CD99: variants seen among roughly 807,000 people sequenced by gnomAD.
The protein encoded by CD99 is CD99 molecule (Xg blood group).
A neutral mutation model predicts 28.4 loss-of-function variants in CD99; 19 were observed. That is an observed-to-expected ratio of 0.67 (90% CI 0.47 to 0.98). The LOEUF (loss-of-function observed/expected upper bound fraction) is 0.98, where lower values mean the gene tolerates loss of function less well. Ranked by LOEUF, CD99 falls within the 50% of genes least tolerant of loss-of-function variation. The pLI is 0.00. For synonymous variants in CD99, 103 were observed against 92.1 expected, an observed-to-expected ratio of 1.12 and a Z score of -0.67; for missense variants, 283 against 248.8, an observed-to-expected ratio of 1.14 and a Z score of -0.92.
At chrX:2,709,697 A>AACATAGACACACACATGCATGT (rs1360542078) in intron 1 of CD99, among the ~76,000 whole-genome samples, 31,413 of 151,802 alleles carry the variant, frequency 0.21, 3,422 homozygotes, top group Middle Eastern at 0.27. Flanking sequence ...CACATGCATG[A>AACATAGACACACACATGCATGT]ACATAGACAC....
At chrX:2,700,779 C>G (rs1202136495) in intron 1 of CD99, among the ~76,000 whole-genome samples, 1 of 151,718 alleles carries the variant, frequency 6.6e-6, no homozygotes, top group African/African-American at 2.4e-5. Context: ...TCAATTTACC[C>G]ATCTACCATC....
At chrX:2,704,065 C>A (rs1443503883) in intron 1 of CD99, among the ~76,000 whole-genome samples, 1 of 152,134 alleles carries the variant, frequency 6.6e-6, no homozygotes, top group Non-Finnish European at 1.5e-5. Context: ...GACCACAGAA[C>A]GAAAATGTCT....
At position 2,703,444 on chromosome X, in the gene CD99, A is replaced by G. The variant is rs138008773; in HGVS notation, c.68-10978A>G. On this transcript the variant is annotated intron_variant, in intron 1 of 9. Transcript: ENST00000381192. The stretch of plus-strand genomic sequence containing the variant: ...GGTGTCTTTAAACAGAAACCCACAT[A>G]AAACGCGCTTAGGTAGTGATTGGTT... Among the ~76,000 whole-genome samples, 784 of 152,250 alleles carry G rather than the reference A, an allele frequency of 5.1e-3. 8 individuals are homozygous for G. The highest frequency in any genetic ancestry group is 0.018 in the African/African-American group (756 of 41,530).
intron 9 of CD99, among the ~76,000 whole-genome samples, chrX:2,739,950 G>T (rs1488718309): frequency 6.7e-6 from 1 of 148,914 alleles, no homozygotes; most frequent in Non-Finnish European, 1.5e-5. Flanking sequence ...AAATTAGCCA[G>T]GCATCGTGGC....
intron 1 of CD99, among the ~76,000 whole-genome samples, chrX:2,708,238 G>A (rs1457281852): frequency 6.6e-6 from 1 of 152,172 alleles, no homozygotes; most frequent in African/African-American, 2.4e-5. Context: ...AGAGGTGTCT[G>A]CAGTACCAGA....
At chrX:2,702,866 C>T (rs1488957649) in intron 1 of CD99, among the ~76,000 whole-genome samples, 3 of 152,072 alleles carry the variant, frequency 2.0e-5, no homozygotes, top group African/African-American at 4.8e-5. Context: ...ACTGTAACCT[C>T]CGCCTCCTGT....
chrX:2,691,783 C>G, intron 1 of CD99: 1 of 770,612 alleles, frequency 1.3e-6, no homozygotes, highest in Non-Finnish European at 2.4e-6. Flanking sequence ...GTTATCTACC[C>G]CCAGGGTTTG....
chrX:2,706,841 G>A (rs2048141494), intron 1 of CD99, among the ~76,000 whole-genome samples: 1 of 151,700 alleles, frequency 6.6e-6, no homozygotes, highest in African/African-American at 2.4e-5. Flanking sequence ...TTTATTTCGA[G>A]ACAGAGTCTC....
chrX:2,733,700 T>G, intron 8 of CD99: 2 of 434,202 alleles, frequency 4.6e-6, no homozygotes. Flanking sequence ...TAATGAGTTT[T>G]GTCCCTAAGT....
chrX:2,700,785 C>G (rs752181387), intron 1 of CD99, among the ~76,000 whole-genome samples: 17 of 152,070 alleles, frequency 1.1e-4, no homozygotes, highest in African/African-American at 3.9e-4. Context: ...TACCCATCTA[C>G]CATCCATCCA....
intron 1 of CD99, among the ~76,000 whole-genome samples, chrX:2,703,165 G>A (rs901943432): frequency 6.6e-6 from 1 of 152,150 alleles, no homozygotes; most frequent in Non-Finnish European, 1.5e-5. Flanking sequence ...GGGCCAGCGC[G>A]TACTGTCAAC....
Position 2,720,386 on chromosome X carries a change from C to T in CD99, c.224C>T (p.Pro75Leu), listed in dbSNP as rs766761184. ...DDPRPPNPPK[P>L]MPNPNPNHPS... Reference sequence around the variant, plus strand: ...CCACGACCACCGAACCCACCCAAACCGATGCCAAATCCAAACCCCAACCAC... The same window carrying T: ...CCACGACCACCGAACCCACCCAAACTGATGCCAAATCCAAACCCCAACCAC... The change falls in exon 5 of 10, where the codon CCG becomes CTG. Residue 75 changes from proline (P) to leucine (L), a missense_variant. Coordinates refer to ENST00000381192, the MANE Select transcript of CD99 (RefSeq NM_002414.5). 12 of 1,613,716 alleles carry T rather than the reference C, an allele frequency of 7.4e-6. No individual in the cohort carries two copies. The highest frequency in any genetic ancestry group is 4.5e-5 in the East Asian group (2 of 44,878).
intron 6 of CD99, among the ~76,000 whole-genome samples, chrX:2,722,953 C>T (rs1420190697): frequency 6.6e-6 from 1 of 152,230 alleles, no homozygotes; most frequent in Non-Finnish European, 1.5e-5. Context: ...CTTGTCACCA[C>T]CTCCTCACCC....
chrX:2,695,649 T>C (rs1160708776), intron 1 of CD99, among the ~76,000 whole-genome samples: 1 of 151,740 alleles, frequency 6.6e-6, no homozygotes, highest in Non-Finnish European at 1.5e-5. Flanking sequence ...TTTTTTTTTT[T>C]TTGAGACAGT....
intron 1 of CD99, among the ~76,000 whole-genome samples, chrX:2,708,920 G>C (rs1603269355): frequency 6.6e-6 from 1 of 152,166 alleles, no homozygotes; most frequent in Non-Finnish European, 1.5e-5. Context: ...GGTTTGTGTG[G>C]GGTCCATGGG....
chrX:2,710,282 C>G (rs1301492927), intron 1 of CD99, among the ~76,000 whole-genome samples: 3 of 152,128 alleles, frequency 2.0e-5, no homozygotes, highest in Admixed American at 2.0e-4. Flanking sequence ...TGGGAGAAGA[C>G]AAGACTCTGG....
intron 1 of CD99, among the ~76,000 whole-genome samples, chrX:2,695,034 C>T (rs1219168366): frequency 6.6e-6 from 1 of 152,060 alleles, no homozygotes; most frequent in Non-Finnish European, 1.5e-5. Flanking sequence ...CAGATATCTT[C>T]CCCCGGGGAA....
In CD99 at chrX:2,736,718, G is replaced by A. The variant is rs769082063; in HGVS notation, c.476-1482G>A. On this transcript the variant is annotated intron_variant, in intron 8 of 9. Coordinates refer to ENST00000381192, the MANE Select transcript of CD99 (RefSeq NM_002414.5). Reference sequence around the variant, plus strand: ...TAAAAATACAAAAAATTAGCCAGGCGTGGTGGTGCATGCCTGAAATCCCAG... The same window carrying A: ...TAAAAATACAAAAAATTAGCCAGGCATGGTGGTGCATGCCTGAAATCCCAG... Among the ~76,000 whole-genome samples, 17 of 152,016 alleles carry A rather than the reference G, an allele frequency of 1.1e-4. No individual in the cohort carries two copies. In the South Asian group the frequency reaches 2.3e-3, roughly 20 times the overall value.
intron 1 of CD99, among the ~76,000 whole-genome samples, chrX:2,702,445 C>A (rs900875747): frequency 6.6e-6 from 1 of 152,096 alleles, no homozygotes; most frequent in African/African-American, 2.4e-5. Context: ...ATTTTGGACA[C>A]CATGAGAAAT....
Sources: gnomAD v4.1 joint callset for allele counts (sites outside exome capture counted in the v4.1 genomes callset) on GRCh38, gnomAD v4.1.1 for gene constraint, MANE v1.5 for transcripts, NCBI Gene and HGNC (gene_info 2026-07-23, HGNC 2026-07-21) for gene names.